MAML3: variants seen among roughly 807,000 people sequenced by gnomAD.
The protein encoded by MAML3 is mastermind like transcriptional coactivator 3.
In MAML3, 27 loss-of-function variants were observed where a neutral mutation model predicts 101.9. That is an observed-to-expected ratio of 0.27 (90% confidence interval 0.20 to 0.37). MAML3 has a LOEUF of 0.37. Among genes scored for constraint, MAML3 ranks in the 10% least tolerant of loss-of-function variants. MAML3 has a pLI of 1.00. For synonymous variants in MAML3, 501 were observed against 555.9 expected (o/e 0.90, Z 1.39); for missense variants, 1,316 against 1,444.9 (o/e 0.91, Z 1.45).
rs1363845276 is a variant in MAML3 at position 140,152,989 on chromosome 4, G to A, written c.339C>T (p.Leu113=). 1 of 1,609,548 alleles carries A rather than the reference G, an allele frequency of 6.2e-7. No individual in the cohort carries two copies. The highest frequency in any genetic ancestry group is 8.5e-7 in the Non-Finnish European group (1 of 1,178,148). ...CCCTCTGCTCCAGGGTCCGCTGGTA[G>A]AGGCTCACGGTGTCCCGGCGCTCCA... ...LELERRDTVS[L]YQRTLEQRAK... is the part of the protein sequence containing the mutation. Residue 113 remains leucine, a synonymous_variant, in exon 1 of 5, where the codon CTC becomes CTT. Coordinates refer to ENST00000509479, the MANE Select transcript of MAML3 (RefSeq NM_018717.5).
intron 1 of MAML3, among the ~76,000 whole-genome samples, chr4:140,052,641 T>C (rs559900272): frequency 9.9e-4 from 151 of 151,950 alleles, no homozygotes; most frequent in Non-Finnish European, 1.9e-3. Context: ...TTCGAGTGAT[T>C]CTCCTGCCTC....
chr4:139,955,123 C>G (rs1028165369), intron 1 of MAML3, among the ~76,000 whole-genome samples: 2 of 152,084 alleles, frequency 1.3e-5, no homozygotes, highest in African/African-American at 4.8e-5. Flanking sequence ...AAAGGCCATC[C>G]AACCCCAACC....
In MAML3 at chr4:139,719,300, G is replaced by T; in HGVS notation, c.*23C>A. The T allele has an allele frequency of 6.5e-7, 1 of 1,540,654 alleles. No homozygotes were observed. The highest frequency in any genetic ancestry group is 8.7e-7 in the Non-Finnish European group (1 of 1,143,944). On this transcript the variant is annotated 3_prime_UTR_variant, in exon 5 of 5. Transcript: ENST00000509479. ...TTTTTAAGCTTTAACCACTCGAGTT[G>T]TGGATCTTGGGGCCTCTCTTGATTA... is the stretch of plus-strand genomic sequence containing the variant.
At chr4:139,829,116 A>G (rs1731118264) in intron 2 of MAML3, among the ~76,000 whole-genome samples, 1 of 149,014 alleles carries the variant, frequency 6.7e-6, no homozygotes, top group African/African-American at 2.5e-5. Flanking sequence ...AAAGGAAGAA[A>G]GAGAAAGGAA....
At chr4:140,130,918 A>G (rs771991764) in intron 1 of MAML3, among the ~76,000 whole-genome samples, 12 of 152,122 alleles carry the variant, frequency 7.9e-5, no homozygotes, top group Non-Finnish European at 1.2e-4. Flanking sequence ...CTGCCACGTC[A>G]TGTATAAGGT....
At chr4:139,876,524 G>A (rs542026653) in intron 2 of MAML3, among the ~76,000 whole-genome samples, 1 of 152,234 alleles carries the variant, frequency 6.6e-6, no homozygotes, top group Non-Finnish European at 1.5e-5. Flanking sequence ...ATCGCCTCCT[G>A]TTCCAGGGCC....
At chr4:140,087,896 T>G (rs769982951) in intron 1 of MAML3, among the ~76,000 whole-genome samples, 1 of 151,930 alleles carries the variant, frequency 6.6e-6, no homozygotes, top group African/African-American at 2.4e-5. Flanking sequence ...TTCAGGAAAA[T>G]GAGATTATAT....
At chr4:139,933,397 G>C (rs934662169) in intron 1 of MAML3, among the ~76,000 whole-genome samples, 1 of 152,188 alleles carries the variant, frequency 6.6e-6, no homozygotes, top group East Asian at 1.9e-4. Context: ...GTCAAGAGAC[G>C]AAAACACCCC....
intron 2 of MAML3, among the ~76,000 whole-genome samples, chr4:139,755,200 G>A (rs1255920085): frequency 6.6e-6 from 1 of 152,176 alleles, no homozygotes; most frequent in Non-Finnish European, 1.5e-5. Flanking sequence ...GCCATAAGCC[G>A]GAATAGCACC....
At chr4:139,781,165 A>G (rs1730197895) in intron 2 of MAML3, among the ~76,000 whole-genome samples, 2 of 152,154 alleles carry the variant, frequency 1.3e-5, no homozygotes, top group Non-Finnish European at 2.9e-5. Flanking sequence ...ACCACCGTCA[A>G]AGGTGTTGTA....
At chr4:139,728,678 C>G (rs1285213854) in intron 3 of MAML3, among the ~76,000 whole-genome samples, 1 of 152,178 alleles carries the variant, frequency 6.6e-6, no homozygotes, top group Admixed American at 6.5e-5. Context: ...CCTTGTCTTT[C>G]CCAAGAAGCC....
At chr4:139,978,452 T>C (rs1734384344) in intron 1 of MAML3, among the ~76,000 whole-genome samples, 1 of 152,042 alleles carries the variant, frequency 6.6e-6, no homozygotes, top group African/African-American at 2.4e-5. Flanking sequence ...GTGCCACTTC[T>C]CTCTGAAAGG....
intron 1 of MAML3, among the ~76,000 whole-genome samples, chr4:139,924,957 G>T (rs186656408): frequency 6.6e-6 from 1 of 151,254 alleles, no homozygotes; most frequent in Admixed American, 6.6e-5. Context: ...AATTAACAAC[G>T]GAAGGAACTC....
At chr4:139,852,614 C>T (rs1464477824) in intron 2 of MAML3, among the ~76,000 whole-genome samples, 2 of 151,862 alleles carry the variant, frequency 1.3e-5, no homozygotes, top group Non-Finnish European at 2.9e-5. Context: ...AGGGTTTCAC[C>T]ATGTTGGCCA....
chr4:140,121,482 A>G (rs1345950077), intron 1 of MAML3, among the ~76,000 whole-genome samples: 1 of 152,218 alleles, frequency 6.6e-6, no homozygotes, highest in East Asian at 1.9e-4. Flanking sequence ...CACCACTTTG[A>G]AAGGGAAAAA....
At chr4:140,064,764 A>G (rs1331416395) in intron 1 of MAML3, among the ~76,000 whole-genome samples, 3 of 152,124 alleles carry the variant, frequency 2.0e-5, no homozygotes, top group Non-Finnish European at 4.4e-5. Context: ...CTATCAGCAA[A>G]TCACCACTTC....
chr4:139,900,317 G>A (rs1189831071), intron 1 of MAML3, among the ~76,000 whole-genome samples: 2 of 152,100 alleles, frequency 1.3e-5, no homozygotes, highest in African/African-American at 4.8e-5. Context: ...TCTTTTTTGG[G>A]GGTGTGGCTG....
intron 1 of MAML3, among the ~76,000 whole-genome samples, chr4:140,007,304 T>C (rs1726468570): frequency 6.6e-6 from 1 of 152,136 alleles, no homozygotes; most frequent in South Asian, 2.1e-4. Flanking sequence ...TGGAGGAAAA[T>C]TGCACTCAAA....
intron 2 of MAML3, among the ~76,000 whole-genome samples, chr4:139,832,575 G>A (rs978403504): frequency 4.6e-5 from 7 of 152,104 alleles, no homozygotes; most frequent in Non-Finnish European, 1.0e-4. Flanking sequence ...TCCCAACTTC[G>A]TTCTTCCCCT....
Sources: allele counts gnomAD v4.1 joint callset (sites outside exome capture counted in the v4.1 genomes callset), GRCh38; gene constraint gnomAD v4.1.1; transcripts MANE v1.5; gene names NCBI Gene and HGNC (gene_info 2026-07-23, HGNC 2026-07-21).